Variants in DPF3 observed in about 807,000 individuals in gnomAD.
DPF3 encodes the protein zinc finger protein DPF3.
In DPF3, 18 loss-of-function variants were observed where a neutral mutation model predicts 56.8. The ratio of observed to expected loss-of-function variants is 0.32; its 90% CI spans 0.22 to 0.47. The LOEUF (loss-of-function observed/expected upper bound fraction) is 0.47. Among genes scored for constraint, DPF3 ranks in the 20% least tolerant of loss-of-function variants. The pLI, the probability that DPF3 is intolerant of heterozygous loss-of-function variation, is 1.00. For synonymous variants in DPF3, 188 were observed against 180.2 expected (o/e 1.04, Z -0.35); for missense variants, 403 against 488.8 (o/e 0.82, Z 1.65).
chr14:72,691,082 C>T (rs575932967), intron 7 of DPF3, among the ~76,000 whole-genome samples: 4 of 152,264 alleles, frequency 2.6e-5, no homozygotes, highest in African/African-American at 9.6e-5. Context: ...AGAGAGAAGA[C>T]CTCAGTGTTG....
intron 3 of DPF3, among the ~76,000 whole-genome samples, chr14:72,745,479 T>A (rs1324200557): frequency 1.3e-5 from 2 of 152,174 alleles, no homozygotes; most frequent in Admixed American, 1.3e-4. Context: ...ATATACCCAA[T>A]ATATATTATA....
At chr14:72,854,388 C>A (rs1255438853) in intron 1 of DPF3, among the ~76,000 whole-genome samples, 1 of 152,096 alleles carries the variant, frequency 6.6e-6, no homozygotes, top group South Asian at 2.1e-4. Context: ...AAAAACAAAT[C>A]ATCTTTTATT....
intron 1 of DPF3, among the ~76,000 whole-genome samples, chr14:72,863,847 G>C (rs1243024753): frequency 1.3e-5 from 2 of 152,206 alleles, no homozygotes; most frequent in African/African-American, 4.8e-5. Flanking sequence ...AGGGGCAGCT[G>C]TTCTGCCTAG....
chr14:72,666,678 C>T (rs1438304257), intron 8 of DPF3, among the ~76,000 whole-genome samples: 4 of 152,138 alleles, frequency 2.6e-5, no homozygotes, highest in African/African-American at 4.8e-5. Flanking sequence ...CATTTCCTCT[C>T]TCAGAAACTG....
intron 4 of DPF3, among the ~76,000 whole-genome samples, chr14:72,726,684 G>A (rs943502853): frequency 4.6e-5 from 7 of 152,280 alleles, no homozygotes; most frequent in Non-Finnish European, 7.4e-5. Context: ...AGTCGCCGAC[G>A]GGGGTGGGGT....
intron 2 of DPF3, among the ~76,000 whole-genome samples, chr14:72,754,052 G>C (rs910981032): frequency 6.6e-6 from 1 of 151,026 alleles, no homozygotes; most frequent in African/African-American, 2.4e-5. Flanking sequence ...CTGGGCTTAC[G>C]TGCCACCCTG....
At chr14:72,717,198 A>G (rs1394635113) in intron 5 of DPF3, among the ~76,000 whole-genome samples, 1 of 152,190 alleles carries the variant, frequency 6.6e-6, no homozygotes, top group Non-Finnish European at 1.5e-5. Context: ...CCACTCCTCC[A>G]AGAATCTTCC....
chr14:72,662,954 GAAGA>G (rs1886280567), intron 8 of DPF3: 3 of 668,560 alleles, frequency 4.5e-6, no homozygotes, highest in Non-Finnish European at 3.7e-6. Flanking sequence ...AAAAAAAGAA[GAAGA>G]AAGAAAGAAA....
intron 1 of DPF3, among the ~76,000 whole-genome samples, chr14:72,776,380 G>C (rs945973706): frequency 7.9e-5 from 12 of 152,136 alleles, no homozygotes; most frequent in African/African-American, 2.9e-4. Flanking sequence ...CCTAGTTCTA[G>C]GGGGCTTTGT....
intron 4 of DPF3, among the ~76,000 whole-genome samples, chr14:72,726,338 C>T (rs574578147): frequency 5.9e-5 from 9 of 152,232 alleles, no homozygotes; most frequent in African/African-American, 1.7e-4. Context: ...ATTTATTACC[C>T]GCAATATGGA....
At chr14:72,628,237 C>G (rs1230179480) in intron 9 of DPF3, among the ~76,000 whole-genome samples, 2 of 152,096 alleles carry the variant, frequency 1.3e-5, no homozygotes, top group Non-Finnish European at 2.9e-5. Context: ...AAATAAGATA[C>G]TGGCTTTAGT....
chr14:72,860,422 C>T (rs1885350488), intron 1 of DPF3, among the ~76,000 whole-genome samples: 2 of 152,040 alleles, frequency 1.3e-5, no homozygotes, highest in African/African-American at 4.8e-5. Context: ...TATGCTCAAG[C>T]GATCCTACCA....
intron 7 of DPF3, among the ~76,000 whole-genome samples, chr14:72,681,844 C>T (rs546181362): frequency 3.3e-5 from 5 of 152,346 alleles, no homozygotes; most frequent in African/African-American, 9.6e-5. Flanking sequence ...AAGGAATGTC[C>T]TTTGTGCTCC....
chr14:72,756,859 A>AGGAAGGAAGGAAAGAAG (rs1567222901), intron 2 of DPF3, among the ~76,000 whole-genome samples: 11 of 116,572 alleles, frequency 9.4e-5, no homozygotes, highest in African/African-American at 3.1e-4. Flanking sequence ...AAAGAAAGAA[A>AGGAAGGAAGGAAAGAAG]GAAAGAAAGA....
At chr14:72,787,284 CG>C (rs1892250299) in intron 1 of DPF3, among the ~76,000 whole-genome samples, 1 of 152,220 alleles carries the variant, frequency 6.6e-6, no homozygotes, top group Non-Finnish European at 1.5e-5. Context: ...TAGGGAAAAG[CG>C]GGTCTGCCCC....
At chr14:72,855,024 A>G (rs556396317) in intron 1 of DPF3, among the ~76,000 whole-genome samples, 20 of 152,326 alleles carry the variant, frequency 1.3e-4, no homozygotes, top group African/African-American at 4.8e-4. Context: ...TCCCCGGATG[A>G]TCAGAGCCCA....
chr14:72,767,719 A>T (rs1891344417), intron 2 of DPF3, among the ~76,000 whole-genome samples: 1 of 146,182 alleles, frequency 6.8e-6, no homozygotes, highest in Non-Finnish European at 1.5e-5. Context: ...GAACTGAAGA[A>T]GTATTCAAAG....
chr14:72,755,451 C>T (rs1280880224), intron 2 of DPF3, among the ~76,000 whole-genome samples: 1 of 152,182 alleles, frequency 6.6e-6, no homozygotes, highest in Non-Finnish European at 1.5e-5. Context: ...AGACACTCTG[C>T]AGTGCAAAGG....
chr14:72,665,349 T>C (rs1359879569), intron 8 of DPF3, among the ~76,000 whole-genome samples: 1 of 152,212 alleles, frequency 6.6e-6, no homozygotes, highest in Non-Finnish European at 1.5e-5. Context: ...AGTCCCTAGT[T>C]GCCAAATGAA....
Sources: gnomAD v4.1 joint callset for allele counts (sites outside exome capture counted in the v4.1 genomes callset) on GRCh38, gnomAD v4.1.1 for gene constraint, MANE v1.5 for transcripts, NCBI Gene and HGNC (gene_info 2026-07-23, HGNC 2026-07-21) for gene names.